The following CNTN4 variants were observed in gnomAD, a reference collection of about 807,000 sequenced individuals.
CNTN4 encodes the protein contactin-4.
A neutral mutation model predicts 122.5 loss-of-function variants in CNTN4; 77 were observed. That is an observed-to-expected ratio of 0.63 (90% CI 0.52 to 0.76). The LOEUF (loss-of-function observed/expected upper bound fraction) is 0.76, where lower values mean the gene tolerates loss of function less well. Ranked by LOEUF, CNTN4 falls within the 30% of genes least tolerant of loss-of-function variation. The pLI is 0.00. For synonymous variants in CNTN4, 512 were observed against 447.0 expected (o/e 1.15, Z -1.83); for missense variants, 1,256 against 1,259.1 (o/e 1.00, Z 0.04).
chr3:2,697,283 G>A (rs1025360042), intron 4 of CNTN4, among the ~76,000 whole-genome samples: 2 of 152,176 alleles, frequency 1.3e-5, no homozygotes, highest in Admixed American at 6.5e-5. Flanking sequence ...TGGTATGCCT[G>A]CCCAGTGACT....
intron 3 of CNTN4, among the ~76,000 whole-genome samples, chr3:2,499,139 C>G (rs895138848): frequency 1.3e-5 from 2 of 152,136 alleles, no homozygotes; most frequent in Admixed American, 1.3e-4. Flanking sequence ...AACCCTAGAT[C>G]TTGAAGATTT....
chr3:2,573,404 A>G (rs559341858), intron 4 of CNTN4, among the ~76,000 whole-genome samples: 2 of 152,214 alleles, frequency 1.3e-5, no homozygotes, highest in South Asian at 4.2e-4. Flanking sequence ...TCTTCCTCCC[A>G]GCAGTATGCC....
chr3:2,770,326 C>A (rs751731013), intron 6 of CNTN4, among the ~76,000 whole-genome samples: 1 of 152,178 alleles, frequency 6.6e-6, no homozygotes, highest in African/African-American at 2.4e-5. Context: ...CCGTTTCCGG[C>A]CCTCTTCCAT....
chr3:2,699,591 A>T (rs2086245701), intron 4 of CNTN4, among the ~76,000 whole-genome samples: 1 of 152,082 alleles, frequency 6.6e-6, no homozygotes, highest in African/African-American at 2.4e-5. Context: ...TCCCCTGCTC[A>T]CTCCAAAGTG....
At chr3:2,761,858 A>T (rs1390310305) in intron 6 of CNTN4, among the ~76,000 whole-genome samples, 1 of 152,164 alleles carries the variant, frequency 6.6e-6, no homozygotes, top group Non-Finnish European at 1.5e-5. Flanking sequence ...GCTGTCAAGA[A>T]CTTGTTAATT....
At chr3:2,492,417 A>T (rs568366793) in intron 3 of CNTN4, among the ~76,000 whole-genome samples, 2 of 152,256 alleles carry the variant, frequency 1.3e-5, no homozygotes, top group Admixed American at 6.5e-5. Context: ...CTGAGATGTC[A>T]TACCCGGTTG....
intron 4 of CNTN4, among the ~76,000 whole-genome samples, chr3:2,717,752 C>T (rs1482443522): frequency 1.3e-5 from 2 of 151,384 alleles, no homozygotes; most frequent in Non-Finnish European, 2.9e-5. Context: ...TACATTACCA[C>T]TAGCAACATT....
intron 2 of CNTN4, among the ~76,000 whole-genome samples, chr3:2,189,060 T>C (rs958885838): frequency 6.6e-6 from 1 of 152,156 alleles, no homozygotes; most frequent in African/African-American, 2.4e-5. Context: ...ATTCAGAAAA[T>C]TCAGCCCATA....
In CNTN4 at chr3:2,171,955, C is replaced by A. The variant is rs149827419; in HGVS notation, c.-145+71316C>A. 8.1e-3 allele frequency among the ~76,000 whole-genome samples: 1,231 copies of A among 152,264 alleles called. 6 individuals carry two copies. Among genetic ancestry groups the A allele is most frequent in the Non-Finnish European group, 0.012 (848 of 68,020 alleles). ...GTTAGAAACAGAAAGTCTCAGACTTCATTCCTGACCTCGTGAATCAGAAAT... is the reference window on the plus strand; with the variant it reads ...GTTAGAAACAGAAAGTCTCAGACTTAATTCCTGACCTCGTGAATCAGAAAT... On this transcript the variant is annotated intron_variant, in intron 2 of 24. Coordinates refer to ENST00000418658, the MANE Select transcript of CNTN4 (RefSeq NM_175607.3).
chr3:2,472,037 G>A (rs573605628), intron 3 of CNTN4, among the ~76,000 whole-genome samples: 5 of 151,354 alleles, frequency 3.3e-5, no homozygotes, highest in East Asian at 1.9e-4. Flanking sequence ...TGTTCTCCCC[G>A]AAACCCCATC....
chr3:2,957,946 A>T (rs187722604), intron 13 of CNTN4, among the ~76,000 whole-genome samples: 1 of 152,246 alleles, frequency 6.6e-6, no homozygotes, highest in East Asian at 1.9e-4. Flanking sequence ...TTCTTTGGGT[A>T]TATATTCAGT....
intron 10 of CNTN4, among the ~76,000 whole-genome samples, chr3:2,890,686 G>A (rs2094029098): frequency 6.6e-6 from 1 of 152,286 alleles, no homozygotes; most frequent in Admixed American, 6.5e-5. Context: ...TCTGAATAAT[G>A]GAAGCCCTAT....
At chr3:2,457,309 G>C (rs1057135764) in intron 3 of CNTN4, among the ~76,000 whole-genome samples, 1 of 152,004 alleles carries the variant, frequency 6.6e-6, no homozygotes, top group African/African-American at 2.4e-5. Context: ...GATAACATTT[G>C]AAAGGCACTT....
intron 6 of CNTN4, among the ~76,000 whole-genome samples, chr3:2,751,789 T>A (rs565481537): frequency 1.4e-4 from 21 of 152,114 alleles, no homozygotes; most frequent in Admixed American, 3.3e-4. Context: ...ATATTTATTT[T>A]AAAAAAATAA....
intron 3 of CNTN4, among the ~76,000 whole-genome samples, chr3:2,532,126 T>A (rs372487088): frequency 6.6e-6 from 1 of 152,216 alleles, no homozygotes; most frequent in African/African-American, 2.4e-5. Flanking sequence ...TTGCTAAATA[T>A]ATGTACTTAT....
intron 6 of CNTN4, among the ~76,000 whole-genome samples, chr3:2,810,267 A>T (rs1295783300): frequency 6.6e-6 from 1 of 152,164 alleles, no homozygotes; most frequent in East Asian, 1.9e-4. Context: ...GAAATTGAGA[A>T]ATTGTGTCAT....
chr3:2,455,870 A>G (rs1313143165), intron 3 of CNTN4, among the ~76,000 whole-genome samples: 4 of 152,098 alleles, frequency 2.6e-5, no homozygotes, highest in African/African-American at 7.2e-5. Context: ...AAACCTGGAC[A>G]CTAGATATTC....
At chr3:2,830,604 G>A (rs1343767726) in intron 7 of CNTN4, among the ~76,000 whole-genome samples, 1 of 152,192 alleles carries the variant, frequency 6.6e-6, no homozygotes, top group Non-Finnish European at 1.5e-5. Context: ...AGTGCTACCA[G>A]GGATGTACTA....
At chr3:2,222,490 C>G (rs575077081) in intron 2 of CNTN4, among the ~76,000 whole-genome samples, 2 of 152,052 alleles carry the variant, frequency 1.3e-5, no homozygotes, top group African/African-American at 2.4e-5. Context: ...GGTGGAAACT[C>G]TTGGAAAGTA....
Sources: gnomAD v4.1 joint callset for allele counts (sites outside exome capture counted in the v4.1 genomes callset) on GRCh38, gnomAD v4.1.1 for gene constraint, MANE v1.5 for transcripts, NCBI Gene and HGNC (gene_info 2026-07-23, HGNC 2026-07-21) for gene names.